The following MYH8 variants were observed in gnomAD, a reference collection of about 807,000 sequenced individuals.
MYH8 encodes the protein myosin heavy chain 8.
Under a neutral mutation model 233.2 loss-of-function variants are expected in MYH8, and 168 were observed. That is an observed-to-expected ratio of 0.72 (90% confidence interval 0.64 to 0.82). The LOEUF is 0.82. MYH8 is among the 40% of genes least tolerant of loss of function. The pLI is 0.00. For missense variants in MYH8, 1,995 were observed against 2,327.8 expected (o/e 0.86, Z 2.94); for synonymous variants, 785 against 850.6 (o/e 0.92, Z 1.34).
chr17:10,409,799 A>G (rs1338990813), intron 15 of MYH8, among the ~76,000 whole-genome samples: 1 of 152,206 alleles, frequency 6.6e-6, no homozygotes, highest in Non-Finnish European at 1.5e-5. Flanking sequence ...TTTCAATTAA[A>G]AGAATAGCTG....
At position 10,390,463 on chromosome 17, in the gene MYH8, A is replaced by G. The variant is rs774021845; in HGVS notation, c.5805T>C (p.Ser1935=). Residue 1935 remains serine, a synonymous_variant, in exon 40 of 40, where the codon AGT becomes AGC. Transcript: ENST00000403437. Reference sequence around the variant, plus strand: ...CATCAGGCAGGTGTGTTTACTCTGCACTGATTTTTGTGTGAACCTCTCGGC... The same window carrying G: ...CATCAGGCAGGTGTGTTTACTCTGCGCTGATTTTTGTGTGAACCTCTCGGC... The part of the protein sequence containing the change: ...VKSREVHTKI[S]AE 5 of 1,613,382 alleles carry G rather than the reference A, an allele frequency of 3.1e-6. No homozygotes were observed.
chr17:10,396,756 A>G lies in MYH8; in HGVS notation c.4363-38T>C. Reference sequence around the variant, plus strand: ...AAATCATGAGTTGATCCAAGGAGAAAGGAAGACCGAGTAAAACACTCTTAA... The same window carrying G: ...AAATCATGAGTTGATCCAAGGAGAAGGGAAGACCGAGTAAAACACTCTTAA... On this transcript the variant is annotated intron_variant, in intron 31 of 39. Coordinates refer to ENST00000403437, the MANE Select transcript of MYH8 (RefSeq NM_002472.3). The surrounding 1 kb of genome is among the most constrained non-coding windows in gnomAD (Gnocchi z 4.2). The G allele has an allele frequency of 6.2e-7, 1 of 1,614,216 alleles. No homozygotes were observed. The highest frequency in any genetic ancestry group is 8.5e-7 in the Non-Finnish European group (1 of 1,180,034).
intron 21 of MYH8, among the ~76,000 whole-genome samples, 183 bp from the exon 22 acceptor site, chr17:10,404,768 C>T (rs528355574): frequency 2.5e-4 from 38 of 151,942 alleles, no homozygotes; most frequent in African/African-American, 8.9e-4. Context: ...CACATTCTCG[C>T]GCTCACACTC....
intron 2 of MYH8, among the ~76,000 whole-genome samples, chr17:10,421,034 A>T (rs1461648653): frequency 1.3e-5 from 2 of 152,148 alleles, no homozygotes; most frequent in African/African-American, 4.8e-5. Flanking sequence ...TTAAGAGTAC[A>T]TCACATGCAT....
chr17:10,397,866 C>T (rs998423496), intron 30 of MYH8, among the ~76,000 whole-genome samples: 8 of 152,134 alleles, frequency 5.3e-5, no homozygotes, highest in East Asian at 1.9e-4. Flanking sequence ...CAGGACAATT[C>T]GTGCAGTTTA....
In MYH8 at chr17:10,415,239, A is replaced by C. The variant is rs953922018; in HGVS notation, c.741+53T>G. On this transcript the variant is annotated intron_variant, in intron 8 of 39. Coordinates refer to ENST00000403437, the MANE Select transcript of MYH8 (RefSeq NM_002472.3). This position sits in a 1 kb window ranked among gnomAD's most constrained non-coding sequence, Gnocchi z 4.1. The stretch of plus-strand genomic sequence containing the variant: ...CACAAAGAGAGATGCAAATGAAATA[A>C]TAATTCAGACGTGGCTACTCTGGAA... 1.2e-6 allele frequency: 2 copies of C among 1,603,352 alleles called. No homozygotes were observed. Among genetic ancestry groups the C allele is most frequent in the Non-Finnish European group, 1.7e-6 (2 of 1,170,174 alleles).
chr17:10,396,708 T>G lies in MYH8; in HGVS notation c.4373A>C (p.Glu1458Ala), dbSNP rs1567682279. The G allele has an allele frequency of 6.2e-7, 1 of 1,614,168 alleles. No homozygotes were observed. The highest frequency in any genetic ancestry group is 2.2e-5 in the East Asian group (1 of 44,874). Residue 1458 changes from glutamate (E) to alanine (A), a missense_variant, in exon 32 of 40, where the codon GAA (glutamate) becomes GCA (alanine). Glu to Ala is a moderately radical substitution (Grantham distance 107). Coordinates refer to ENST00000403437, the MANE Select transcript of MYH8 (RefSeq NM_002472.3). The surrounding 1 kb of genome is among the most constrained non-coding windows in gnomAD (Gnocchi z 4.2). ...KQRNFDKVLS[E>A]WKQKYEETQA... is the part of the protein sequence containing the mutation. ...AGTTTCCTCATACTTCTGCTTCCAT[T>G]CTGATAGGACCTGAAAAGCAATAAA...
chr17:10,393,695 A>G (rs2072050737), intron 35 of MYH8, among the ~76,000 whole-genome samples: 1 of 152,228 alleles, frequency 6.6e-6, no homozygotes, highest in South Asian at 2.1e-4. Context: ...GAGAAGCAAT[A>G]TCGTCTCAAC....
Position 10,392,126 on chromosome 17 carries a change from C to G in MYH8, c.5569-149G>C, listed in dbSNP as rs1326057185. ...TTTCTTCATAGAATTAACAGTAGCA[C>G]TCTTGGTAAATGTTTCCACTGTGCA... On this transcript the variant is annotated intron_variant, in intron 38 of 39. Transcript: ENST00000403437. 4.1e-5 allele frequency: 30 copies of G among 734,930 alleles called. No homozygotes were observed. In the Admixed American group the frequency reaches 5.9e-4, roughly 14 times the overall value. The allele number at this position is 734,930 out of a possible 1,614,324, so 45.5% of individuals were successfully genotyped here.
At position 10,419,019 on chromosome 17, in the gene MYH8, G is replaced by A; in HGVS notation, c.222C>T (p.Val74=). ...VKTEGGATLT[V]REDQVFPMNP... Reference sequence around the variant, plus strand: ...TCATAGGGAAGACTTGGTCTTCCCTGACAGTTAGAGTCTGGTGAGTAAGCA... The same window carrying A: ...TCATAGGGAAGACTTGGTCTTCCCTAACAGTTAGAGTCTGGTGAGTAAGCA... Residue 74 remains valine, a synonymous_variant, in exon 4 of 40, where the codon GTC becomes GTT. Transcript: ENST00000403437. This position sits in a 1 kb window ranked among gnomAD's most constrained non-coding sequence, Gnocchi z 4.0. 6.2e-7 allele frequency: 1 copy of A among 1,614,106 alleles called. No individual in the cohort carries two copies. Among genetic ancestry groups the A allele is most frequent in the Non-Finnish European group, 8.5e-7 (1 of 1,180,004 alleles).
chr17:10,401,898 G>A (rs2072147046), intron 22 of MYH8, 113 bp from the exon 23 acceptor site: 1 of 1,396,244 alleles, frequency 7.2e-7, no homozygotes, highest in African/African-American at 1.4e-5. Flanking sequence ...TTTTCAGTAT[G>A]AATATAAATT....
chr17:10,399,222 T>A (rs1398208843), intron 28 of MYH8, among the ~76,000 whole-genome samples: 1 of 150,656 alleles, frequency 6.6e-6, no homozygotes, highest in East Asian at 1.9e-4. Flanking sequence ...TTTCAGATTT[T>A]TGATTTTCAG....
At chr17:10,403,051 A>T (rs758227894) in intron 22 of MYH8, among the ~76,000 whole-genome samples, 3 of 152,162 alleles carry the variant, frequency 2.0e-5, no homozygotes, top group Non-Finnish European at 4.4e-5. Context: ...AAATCTGGTT[A>T]ATGTGGAAAG....
chr17:10,406,061 A>G lies in MYH8; in HGVS notation c.2412T>C (p.Tyr804=). The change falls in exon 21 of 40, where the codon TAT becomes TAC. Residue 804 remains tyrosine (Y), a synonymous_variant. Transcript: ENST00000403437. ...GTTACCTCCTTTGCAACATCTTCTGATATTCTACCCTCATTAGGAATCCCC... is the reference window on the plus strand; with the variant it reads ...GTTACCTCCTTTGCAACATCTTCTGGTATTCTACCCTCATTAGGAATCCCC... ...VCRGFLMRVE[Y]QKMLQRREAL... The G allele has an allele frequency of 6.2e-7, 1 of 1,613,968 alleles. No homozygotes were observed. Among genetic ancestry groups the G allele is most frequent in the South Asian group, 1.1e-5 (1 of 91,070 alleles).
In MYH8 at chr17:10,404,549, G is replaced by A; in HGVS notation, c.2469C>T (p.Ala823=). 6.2e-7 allele frequency: 1 copy of A among 1,613,914 alleles called. No homozygotes were observed. Among genetic ancestry groups the A allele is most frequent in the Non-Finnish European group, 8.5e-7 (1 of 1,179,886 alleles). ...AGGGCCAGTGCTTGACGTTCATGAA[G>A]GCACGGACATTATACTGGATGCAGA... ...ALFCIQYNVR[A]FMNVKHWPWM... Residue 823 remains alanine, a synonymous_variant, in exon 22 of 40, where the codon GCC becomes GCT. Transcript: ENST00000403437.
In MYH8 at chr17:10,415,098, A is replaced by G. The variant is rs750131773; in HGVS notation, c.805+18T>C. ...CACTTGTCTCTCTGTTTTGATTTTC[A>G]ATGGTCCTGTTACTCACATGTTTCT... is the stretch of plus-strand genomic sequence containing the variant. On this transcript the variant is annotated intron_variant, in intron 9 of 39. Coordinates refer to ENST00000403437, the MANE Select transcript of MYH8 (RefSeq NM_002472.3). The surrounding 1 kb of genome is among the most constrained non-coding windows in gnomAD (Gnocchi z 4.1). 3 of 1,607,844 alleles carry G rather than the reference A, an allele frequency of 1.9e-6. No homozygotes were observed. In the African/African-American group the frequency reaches 4.0e-5, roughly 21 times the overall value.
chr17:10,416,574 G>A (rs997819307), intron 5 of MYH8, among the ~76,000 whole-genome samples: 1 of 152,136 alleles, frequency 6.6e-6, no homozygotes, highest in African/African-American at 2.4e-5. Flanking sequence ...CACTAACAGT[G>A]TACAAGAGTT....
chr17:10,390,634 G>C, intron 39 of MYH8, 31 bp from the exon 40 acceptor site: 1 of 1,609,716 alleles, frequency 6.2e-7, no homozygotes, highest in Non-Finnish European at 8.5e-7. Context: ...GTGAGAATTA[G>C]ACTGTGTGGT....
Position 10,419,104 on chromosome 17 carries a change from C to G in MYH8, c.211-74G>C. The G allele has an allele frequency of 1.3e-6, 2 of 1,575,804 alleles. No homozygotes were observed. The highest frequency in any genetic ancestry group is 1.7e-6 in the Non-Finnish European group (2 of 1,149,944). Reference sequence around the variant, plus strand: ...TAGAGTTTTGCTTTTTTTGCCCAGGCTGGAGTGCAGTGGCGCGATCTCAGC... The same window carrying G: ...TAGAGTTTTGCTTTTTTTGCCCAGGGTGGAGTGCAGTGGCGCGATCTCAGC... On this transcript the variant is annotated intron_variant, in intron 3 of 39. Coordinates refer to ENST00000403437, the MANE Select transcript of MYH8 (RefSeq NM_002472.3). This position sits in a 1 kb window ranked among gnomAD's most constrained non-coding sequence, Gnocchi z 4.0.
Sources: gnomAD v4.1 joint callset for allele counts (sites outside exome capture counted in the v4.1 genomes callset) on GRCh38, gnomAD v4.1.1 for gene constraint, Gnocchi (gnomAD v3.1) non-coding constraint, MANE v1.5 for transcripts, NCBI Gene and HGNC (gene_info 2026-07-23, HGNC 2026-07-21) for gene names.